Variants in CNTN4 observed in about 807,000 individuals in gnomAD.
CNTN4 encodes the protein contactin-4.
In CNTN4, 77 loss-of-function variants were observed where a neutral mutation model predicts 122.5. That is an observed-to-expected ratio of 0.63 (90% CI 0.52 to 0.76). The LOEUF (loss-of-function observed/expected upper bound fraction) is 0.76. CNTN4 is among the 30% of genes least tolerant of loss of function. The pLI, the probability that CNTN4 is intolerant of heterozygous loss-of-function variation, is 0.00. For missense variants in CNTN4, 1,256 were observed against 1,259.1 expected, an observed-to-expected ratio of 1.00 and a Z score of 0.04; for synonymous variants, 512 against 447.0, an observed-to-expected ratio of 1.15 and a Z score of -1.83.
At chr3:3,010,885 A>G (rs962424325) in intron 14 of CNTN4, among the ~76,000 whole-genome samples, 4 of 152,188 alleles carry the variant, frequency 2.6e-5, no homozygotes, top group Non-Finnish European at 5.9e-5. Flanking sequence ...TATGTTCAGC[A>G]TCATGTAAGT....
chr3:2,844,001 T>G (rs1280428144), intron 7 of CNTN4, among the ~76,000 whole-genome samples: 1 of 152,140 alleles, frequency 6.6e-6, no homozygotes, highest in Non-Finnish European at 1.5e-5. Flanking sequence ...CCCCTGGCCA[T>G]CTGTCCGTCA....
intron 15 of CNTN4, among the ~76,000 whole-genome samples, chr3:3,028,273 C>G (rs1454333194): frequency 3.9e-5 from 6 of 152,078 alleles, no homozygotes; most frequent in African/African-American, 1.4e-4. Context: ...GGAAAATAAG[C>G]AGATGCTGTT....
At chr3:2,804,737 C>CTTTTTTTTTTTTTTTTTTTT (rs370653933) in intron 6 of CNTN4, among the ~76,000 whole-genome samples, 1,511 of 144,216 alleles carry the variant, frequency 0.01, 55 homozygotes, top group East Asian at 0.017. Flanking sequence ...ATTTTGAGCA[C>CTTTTTTTTTTTTTTTTTTTT]TTTTTTTTTG....
chr3:2,806,657 A>T (rs1258769539), intron 6 of CNTN4, among the ~76,000 whole-genome samples: 2 of 152,202 alleles, frequency 1.3e-5, no homozygotes, highest in Non-Finnish European at 2.9e-5. Context: ...TAACTTTTAG[A>T]TATAAGGTGA....
At chr3:2,582,894 G>C (rs2080007953) in intron 4 of CNTN4, among the ~76,000 whole-genome samples, 1 of 80,324 alleles carries the variant, frequency 1.2e-5, no homozygotes, top group Non-Finnish European at 2.4e-5. Context: ...TTTAAAAAGA[G>C]TTCTGATACA....
At chr3:2,440,008 G>A (rs1297277327) in intron 3 of CNTN4, among the ~76,000 whole-genome samples, 2 of 152,156 alleles carry the variant, frequency 1.3e-5, no homozygotes, top group African/African-American at 4.8e-5. Flanking sequence ...AAGTAAATGA[G>A]ATTAACAAAG....
At chr3:2,722,205 C>T (rs1190112800) in intron 4 of CNTN4, among the ~76,000 whole-genome samples, 10 of 152,168 alleles carry the variant, frequency 6.6e-5, no homozygotes, top group South Asian at 4.1e-4. Context: ...CTTCACAATA[C>T]GAATGACCTT....
intron 2 of CNTN4, among the ~76,000 whole-genome samples, chr3:2,302,036 C>G (rs573421353): frequency 2.6e-5 from 4 of 152,296 alleles, no homozygotes; most frequent in African/African-American, 7.2e-5. Flanking sequence ...ACAATTCTGT[C>G]TAAATTGGAA....
At chr3:2,920,270 G>A (rs545311881) in intron 12 of CNTN4, among the ~76,000 whole-genome samples, 1 of 126,184 alleles carries the variant, frequency 7.9e-6, no homozygotes, top group African/African-American at 3.0e-5. Flanking sequence ...GTAATGGGAA[G>A]AGGTCAGTGG....
intron 3 of CNTN4, among the ~76,000 whole-genome samples, chr3:2,515,960 A>G (rs1455097509): frequency 6.6e-6 from 1 of 152,108 alleles, no homozygotes; most frequent in African/African-American, 2.4e-5. Context: ...AGTGTACTCC[A>G]AGATGGATGA....
intron 14 of CNTN4, among the ~76,000 whole-genome samples, chr3:3,018,668 T>C (rs1255843514): frequency 9.9e-5 from 15 of 152,192 alleles, no homozygotes; most frequent in African/African-American, 3.1e-4. Flanking sequence ...GAAATACTTA[T>C]AGATGTGTAG....
intron 2 of CNTN4, among the ~76,000 whole-genome samples, chr3:2,129,694 T>G (rs2034359633): frequency 6.6e-6 from 1 of 151,756 alleles, no homozygotes; most frequent in African/African-American, 2.4e-5. Flanking sequence ...CAATTTTTTT[T>G]TGCATCTTCT....
chr3:2,544,165 A>C (rs1225293903), intron 3 of CNTN4, among the ~76,000 whole-genome samples: 1 of 152,190 alleles, frequency 6.6e-6, no homozygotes, highest in Non-Finnish European at 1.5e-5. Flanking sequence ...CCCACGTGCC[A>C]ATATTCATGA....
chr3:2,177,821 A>G (rs2036824288), intron 2 of CNTN4, among the ~76,000 whole-genome samples: 1 of 152,128 alleles, frequency 6.6e-6, no homozygotes. Flanking sequence ...TATCAACAAA[A>G]TACTTTCAAA....
chr3:2,708,756 C>G (rs367845224), intron 4 of CNTN4, among the ~76,000 whole-genome samples: 1 of 91,534 alleles, frequency 1.1e-5, no homozygotes, highest in Non-Finnish European at 2.5e-5. Flanking sequence ...CACACACACA[C>G]ACACACACAC....
intron 3 of CNTN4, among the ~76,000 whole-genome samples, chr3:2,396,656 G>GTTTTTTTTTTTTTTTT (rs752074730): frequency 6.9e-6 from 1 of 145,106 alleles, no homozygotes; most frequent in Non-Finnish European, 1.5e-5. Context: ...TTATGTCTGG[G>GTTTTTTTTTTTTTTTT]TTTTTTTTTT....
intron 4 of CNTN4, among the ~76,000 whole-genome samples, chr3:2,642,568 A>ATGTGTGTACACATATACAGG (rs1227659808): frequency 6.6e-6 from 1 of 152,056 alleles, no homozygotes; most frequent in Non-Finnish European, 1.5e-5. Flanking sequence ...TGTTTTTTAT[A>ATGTGTGTACACATATACAGG]TGTGTGTACA....
At chr3:2,327,176 G>T (rs1055283401) in intron 2 of CNTN4, among the ~76,000 whole-genome samples, 13 of 140,518 alleles carry the variant, frequency 9.3e-5, no homozygotes, top group African/African-American at 3.5e-4. Context: ...TGTCTATAAA[G>T]TGCCAAGCTT....
intron 4 of CNTN4, among the ~76,000 whole-genome samples, chr3:2,660,288 A>G (rs970581317): frequency 2.0e-5 from 3 of 152,258 alleles, no homozygotes; most frequent in Admixed American, 6.5e-5. Context: ...TGAGTCTGCA[A>G]GGACTTATTT....
Sources: gnomAD v4.1 joint callset for allele counts (sites outside exome capture counted in the v4.1 genomes callset) on GRCh38, gnomAD v4.1.1 for gene constraint, MANE v1.5 for transcripts, NCBI Gene and HGNC (gene_info 2026-07-23, HGNC 2026-07-21) for gene names.